TMEM61: variants seen among roughly 807,000 people sequenced by gnomAD.
The protein encoded by TMEM61 is transmembrane protein 61.
TMEM61 carries 13 observed loss-of-function variants against 12.0 expected under a neutral mutation model. The ratio of observed to expected loss-of-function variants is 1.08; its 90% confidence interval spans 0.70 to 1.72. The LOEUF is 1.72. Ranked by LOEUF, TMEM61 falls within the 40% of genes most tolerant of loss-of-function variation. The probability of loss-of-function intolerance (pLI) is 0.00; values close to 1 mark genes in which losing one functional copy is unlikely to be tolerated. For synonymous variants in TMEM61, 109 were observed against 121.4 expected (o/e 0.90, Z 0.67); for missense variants, 249 against 276.9 (o/e 0.90, Z 0.71).
At chr1:54,981,609 T>C (rs1479787891) in intron 1 of TMEM61, among the ~76,000 whole-genome samples, 1 of 152,130 alleles carries the variant, frequency 6.6e-6, no homozygotes, top group Middle Eastern at 3.4e-3. Context: ...CAGAGCAAGA[T>C]GGAATCTCAA....
intron 2 of TMEM61, among the ~76,000 whole-genome samples, chr1:54,990,143 C>G (rs1019229555): frequency 6.6e-6 from 1 of 152,128 alleles, no homozygotes; most frequent in Non-Finnish European, 1.5e-5. Flanking sequence ...AGGGTGAGGA[C>G]AGGCACTATC....
intron 2 of TMEM61, among the ~76,000 whole-genome samples, chr1:54,989,577 G>A (rs1316230736): frequency 6.6e-6 from 1 of 152,252 alleles, no homozygotes; most frequent in Non-Finnish European, 1.5e-5. Flanking sequence ...ATCCATGAAT[G>A]GGGCCTGCTC....
At chr1:54,988,254 G>A (rs956571735) in intron 2 of TMEM61, among the ~76,000 whole-genome samples, 1 of 152,268 alleles carries the variant, frequency 6.6e-6, no homozygotes, top group African/African-American at 2.4e-5. Context: ...AGCCAGGCGT[G>A]AGTGCAGGGG....
intron 1 of TMEM61, among the ~76,000 whole-genome samples, chr1:54,984,957 T>C (rs144508079): frequency 3.9e-5 from 6 of 152,244 alleles, no homozygotes; most frequent in African/African-American, 9.6e-5. Flanking sequence ...TCCAGGTTTT[T>C]CCCCCCGTGC....
intron 2 of TMEM61, among the ~76,000 whole-genome samples, chr1:54,988,460 G>C (rs562834731): frequency 6.6e-6 from 1 of 152,368 alleles, no homozygotes; most frequent in South Asian, 2.1e-4. Flanking sequence ...TGGGGGTCGA[G>C]GAGGCTGCTT....
intron 1 of TMEM61, among the ~76,000 whole-genome samples, chr1:54,982,944 A>G (rs1488847812): frequency 6.6e-6 from 1 of 152,108 alleles, no homozygotes; most frequent in Non-Finnish European, 1.5e-5. Context: ...AGTCCTTGGC[A>G]TGGTGCCCAG....
Position 54,986,370 on chromosome 1 carries a change from C to T in TMEM61, c.289C>T (p.Pro97Ser), listed in dbSNP as rs1055027557. 18 of 1,612,998 alleles carry T rather than the reference C, an allele frequency of 1.1e-5. No individual in the cohort carries two copies. The highest frequency in any genetic ancestry group is 1.4e-5 in the Non-Finnish European group (17 of 1,179,336). The change falls in exon 2 of 3, where the codon CCT becomes TCT. Residue 97 changes from proline to serine, a missense_variant. By Grantham distance (74) the Pro-to-Ser change is moderately conservative. Coordinates refer to ENST00000371268, the MANE Select transcript of TMEM61 (RefSeq NM_182532.3). ...CGTCAAGGCCAGCATCCCAGGGCCA[C>T]CTCGATGGGACCCCTATCACCTCTC... ...WSVKASIPGPPRWDPYHLSRD... is the reference protein window; with the variant it reads ...WSVKASIPGPSRWDPYHLSRD...
intron 2 of TMEM61, among the ~76,000 whole-genome samples, chr1:54,988,499 G>A (rs1009201790): frequency 2.6e-5 from 4 of 152,210 alleles, no homozygotes; most frequent in African/African-American, 7.2e-5. Flanking sequence ...CCTGTCCTGA[G>A]GCTGACTCAG....
intron 2 of TMEM61, among the ~76,000 whole-genome samples, chr1:54,990,970 C>A (rs932264325): frequency 2.0e-5 from 3 of 152,186 alleles, no homozygotes; most frequent in Non-Finnish European, 4.4e-5. Context: ...TTGGAAGGGA[C>A]CTTCAGGATC....
chr1:54,989,046 G>A (rs538475403), intron 2 of TMEM61, among the ~76,000 whole-genome samples: 1 of 152,320 alleles, frequency 6.6e-6, no homozygotes, highest in East Asian at 1.9e-4. Context: ...TCTGTAGCTG[G>A]TACACACATC....
chr1:54,981,323 G>A (rs1644219716), intron 1 of TMEM61, among the ~76,000 whole-genome samples: 1 of 152,134 alleles, frequency 6.6e-6, no homozygotes, highest in Non-Finnish European at 1.5e-5. Flanking sequence ...GGCATCTAAA[G>A]TGCCCTTATT....
At chr1:54,989,738 T>G (rs1644283119) in intron 2 of TMEM61, among the ~76,000 whole-genome samples, 1 of 152,184 alleles carries the variant, frequency 6.6e-6, no homozygotes, top group Admixed American at 6.5e-5. Flanking sequence ...CTAAGCAAAC[T>G]TCCTGCTGTG....
At chr1:54,981,404 G>T (rs922698105) in intron 1 of TMEM61, among the ~76,000 whole-genome samples, 10 of 152,204 alleles carry the variant, frequency 6.6e-5, no homozygotes, top group African/African-American at 2.4e-4. Flanking sequence ...GATAACTTGA[G>T]GTCAGGAGTT....
chr1:54,987,814 G>T (rs1644270460), intron 2 of TMEM61, among the ~76,000 whole-genome samples: 1 of 152,210 alleles, frequency 6.6e-6, no homozygotes, highest in Non-Finnish European at 1.5e-5. Context: ...GTGTGTGAGG[G>T]GCTAAGCCAG....
Position 54,981,028 on chromosome 1 carries a change from C to G in TMEM61, c.-38C>G, listed in dbSNP as rs1316931407. ...ACCACACCTTCACCTGCGCCCGGCT[C>G]CCTGCGCGCCTGGACAGCGCCTGCT... On this transcript the variant is annotated 5_prime_UTR_variant, in exon 1 of 3. Coordinates refer to ENST00000371268, the MANE Select transcript of TMEM61 (RefSeq NM_182532.3). 1.9e-6 allele frequency: 3 copies of G among 1,553,710 alleles called. No individual in the cohort carries two copies. The highest frequency in any genetic ancestry group is 2.7e-5 in the African/African-American group (2 of 73,294).
chr1:54,986,182 G>A lies in TMEM61; in HGVS notation c.101G>A (p.Cys34Tyr). ...GTVVLVAGTL[C>Y]FAWWSEGDAT... Reference sequence around the variant, plus strand: ...GTGGTTCTGGTGGCCGGGACGCTCTGCTTCGCTTGGTGGAGCGAAGGGGAT... The same window carrying A: ...GTGGTTCTGGTGGCCGGGACGCTCTACTTCGCTTGGTGGAGCGAAGGGGAT... Residue 34 changes from cysteine to tyrosine, a missense_variant, in exon 2 of 3, where the codon TGC becomes TAC. Physicochemically the swap from Cys to Tyr is radical, Grantham distance 194. Coordinates refer to ENST00000371268, the MANE Select transcript of TMEM61 (RefSeq NM_182532.3). The A allele has an allele frequency of 6.2e-7, 1 of 1,613,702 alleles. No individual in the cohort carries two copies. Among genetic ancestry groups the A allele is most frequent in the East Asian group, 2.2e-5 (1 of 44,874 alleles).
At chr1:54,982,651 G>C (rs1218434311) in intron 1 of TMEM61, among the ~76,000 whole-genome samples, 1 of 152,160 alleles carries the variant, frequency 6.6e-6, no homozygotes, top group Non-Finnish European at 1.5e-5. Context: ...TGGGAAGGAG[G>C]GCCATGCATT....
At chr1:54,986,590 C>T (rs1049056014) in intron 2 of TMEM61, 144 bp downstream of exon 2, 111 of 734,824 alleles carry the variant, frequency 1.5e-4, no homozygotes, top group East Asian at 1.2e-3. Flanking sequence ...CCTGGGTACA[C>T]GGAAGCTGAT....
chr1:54,981,144 C>T, intron 1 of TMEM61, 64 bp downstream of exon 1: 1 of 1,533,174 alleles, frequency 6.5e-7, no homozygotes, highest in South Asian at 1.2e-5. Context: ...TCGACCTTGC[C>T]CCGACCCCTT....
Sources: gnomAD v4.1 joint callset for allele counts (sites outside exome capture counted in the v4.1 genomes callset) on GRCh38, gnomAD v4.1.1 for gene constraint, MANE v1.5 for transcripts, NCBI Gene and HGNC (gene_info 2026-07-23, HGNC 2026-07-21) for gene names.